The following PLK3 variants were observed in gnomAD, a reference collection of about 807,000 sequenced individuals.
PLK3 encodes polo like kinase 3, also known as serine/threonine-protein kinase PLK3.
Under a neutral mutation model 71.6 loss-of-function variants are expected in PLK3, and 41 were observed. The observed-to-expected ratio is 0.57, with a 90% CI of 0.45 to 0.74. The LOEUF (loss-of-function observed/expected upper bound fraction) is 0.74, where lower values mean the gene tolerates loss of function less well. Among genes scored for constraint, PLK3 ranks in the 30% least tolerant of loss-of-function variants. The pLI is 0.00. For missense variants in PLK3, 791 were observed against 875.6 expected, an observed-to-expected ratio of 0.90 and a Z score of 1.22; for synonymous variants, 366 against 355.4, an observed-to-expected ratio of 1.03 and a Z score of -0.33.
In PLK3 at chr1:44,805,567, T is replaced by C; in HGVS notation, c.1830T>C (p.Arg610=). ...PLLVTFVARN[R]SACTYLASHL... is the part of the protein sequence containing the mutation. ...TTGTGACTTTTGTGGCCCGAAATCG[T>C]AGTGCTTGTACTTACCTCGCTTCCC... Residue 610 remains arginine, a synonymous_variant, in exon 15 of 15, where the codon CGT becomes CGC. Coordinates refer to ENST00000372201, the MANE Select transcript of PLK3 (RefSeq NM_004073.4). 1 of 1,614,170 alleles carries C rather than the reference T, an allele frequency of 6.2e-7. No individual in the cohort carries two copies. Among genetic ancestry groups the C allele is most frequent in the Non-Finnish European group, 8.5e-7 (1 of 1,179,994 alleles).
At chr1:44,802,208 T>G (rs147137838) in intron 5 of PLK3, among the ~76,000 whole-genome samples, 1 of 152,152 alleles carries the variant, frequency 6.6e-6, no homozygotes, top group African/African-American at 2.4e-5. Context: ...TGGAGGCACA[T>G]GACTTACCCT....
Position 44,800,917 on chromosome 1 carries a change from C to T in PLK3, c.288C>T (p.Ser96=). 1 of 1,612,662 alleles carries T rather than the reference C, an allele frequency of 6.2e-7. No individual in the cohort carries two copies. Among genetic ancestry groups the T allele is most frequent in the Non-Finnish European group, 8.5e-7 (1 of 1,179,904 alleles). The change falls in exon 2 of 15, where the codon AGC becomes AGT. Residue 96 remains serine (S), a synonymous_variant. Transcript: ENST00000372201. The surrounding 1 kb of genome is among the most constrained non-coding windows in gnomAD (Gnocchi z 6.5). The stretch of plus-strand genomic sequence containing the variant: ...ACGCTGTCAAAGTCATCCCGCAGAG[C>T]CGCGTCGCCAAGCCGCATCAGCGCG... ...SAYAVKVIPQ[S]RVAKPHQREK...
rs905361545 is a variant in PLK3, at chr1:44,805,650, G to C, written c.1913G>C (p.Arg638Pro). ...DLRQRLRYALRLLRDRSPA is the reference protein window; with the variant it reads ...DLRQRLRYALPLLRDRSPA ...CGGCAGCGACTCCGCTATGCTCTGCGCCTGCTCCGGGACCGCAGCCCAGCC... is the reference window on the plus strand; with the variant it reads ...CGGCAGCGACTCCGCTATGCTCTGCCCCTGCTCCGGGACCGCAGCCCAGCC... Residue 638 changes from arginine to proline, a missense_variant, in exon 15 of 15, where the codon CGC becomes CCC. Transcript: ENST00000372201. 6.2e-7 allele frequency: 1 copy of C among 1,613,300 alleles called. No homozygotes were observed. Among genetic ancestry groups the C allele is most frequent in the Non-Finnish European group, 8.5e-7 (1 of 1,179,992 alleles).
chr1:44,804,582 G>C, intron 12 of PLK3, 68 bp from the exon 13 acceptor site: 1 of 1,604,132 alleles, frequency 6.2e-7, no homozygotes, highest in Non-Finnish European at 8.5e-7. Context: ...CTGGGCTCAG[G>C]GGTCTGGGTT....
Position 44,803,081 on chromosome 1 carries a change from C to T in PLK3, c.876C>T (p.Ala292=), listed in dbSNP as rs141393412. The change falls in exon 7 of 15, where the codon GCC becomes GCT. Residue 292 remains alanine (A), a synonymous_variant. Transcript: ENST00000372201. This position sits in a 1 kb window ranked among gnomAD's most constrained non-coding sequence, Gnocchi z 4.3. ...SLSLPARQLL[A]AILRASPRDR... ...CACTGCCTGCCCGGCAGCTCCTGGC[C>T]GCCATCCTTCGGGCCTCACCCCGAG... 6.4e-5 allele frequency: 104 copies of T among 1,613,950 alleles called. No homozygotes were observed. Among genetic ancestry groups the T allele is most frequent in the African/African-American group, 2.0e-4 (15 of 75,030 alleles).
rs200234281 is a variant in PLK3 at position 44,804,446 on chromosome 1, C to T, written c.1450C>T (p.Arg484Cys). 7.2e-5 allele frequency: 117 copies of T among 1,614,066 alleles called. No homozygotes were observed. The highest frequency in any genetic ancestry group is 1.6e-4 in the Middle Eastern group (1 of 6,084). The change falls in exon 12 of 15, where the codon CGT becomes TGT. Residue 484 changes from arginine (R) to cysteine (C), a missense_variant. Transcript: ENST00000372201. The stretch of plus-strand genomic sequence containing the variant: ...CTTTGGGTATCAACTGTCCAGCCGC[C>T]GTGTGGCTGTGCTCTTCAACGATGG... ...FGFGYQLSSR[R>C]VAVLFNDGTH...
intron 13 of PLK3, chr1:44,805,051 C>T: frequency 1.7e-6 from 1 of 582,296 alleles, no homozygotes; most frequent in Non-Finnish European, 3.1e-6. Flanking sequence ...TTGCAGTGAG[C>T]AGAGATGGCG....
Position 44,805,831 on chromosome 1 carries a change from C to T in PLK3, c.*153C>T, listed in dbSNP as rs1936862914. The T allele has an allele frequency of 5.2e-6, 7 of 1,339,482 alleles. No homozygotes were observed. Among genetic ancestry groups the T allele is most frequent in the South Asian group, 1.5e-5 (1 of 66,592 alleles). The allele number at this position is 1,339,482 out of a possible 1,614,324, so 83.0% of individuals were successfully genotyped here. Reference sequence around the variant, plus strand: ...TTTACTGGAGTTGGGGGCGGCTTGTCTTCGCTGGCTCCTACCCCATCTCCA... The same window carrying T: ...TTTACTGGAGTTGGGGGCGGCTTGTTTTCGCTGGCTCCTACCCCATCTCCA... On this transcript the variant is annotated 3_prime_UTR_variant, in exon 15 of 15. Coordinates refer to ENST00000372201, the MANE Select transcript of PLK3 (RefSeq NM_004073.4).
In PLK3 at chr1:44,803,755, G is replaced by A. The variant is rs966616486; in HGVS notation, c.1164+64G>A. On this transcript the variant is annotated intron_variant, in intron 9 of 14. Coordinates refer to ENST00000372201, the MANE Select transcript of PLK3 (RefSeq NM_004073.4). This position sits in a 1 kb window ranked among gnomAD's most constrained non-coding sequence, Gnocchi z 4.3. ...CCCACCCTAGCAGCTGAGGGAAGCC[G>A]GGGATAAAAGAGGCTGCTGAAGCAT... is the stretch of plus-strand genomic sequence containing the variant. The A allele has an allele frequency of 2.0e-5, 26 of 1,329,628 alleles. 1 individual carries two copies. In the East Asian group the frequency reaches 2.2e-4, roughly 11 times the overall value. 82.4% of individuals were successfully genotyped at this position (1,329,628 alleles called of 1,614,324 possible).
At chr1:44,802,080 TG>T (rs1651852690) in intron 5 of PLK3, 148 bp downstream of exon 5, 1 of 671,852 alleles carries the variant, frequency 1.5e-6, no homozygotes, top group African/African-American at 1.8e-5. Context: ...TGTGTGAAGG[TG>T]GAGGTGGCAG....
Position 44,803,616 on chromosome 1 carries a change from GGA to G in PLK3, c.1093_1094del (p.Arg365GlyfsTer2). 1 of 1,614,018 alleles carries G rather than the reference GGA, an allele frequency of 6.2e-7. No homozygotes were observed. The highest frequency in any genetic ancestry group is 8.5e-7 in the Non-Finnish European group (1 of 1,179,880). On this transcript the variant is annotated frameshift_variant, in exon 9 of 15. Transcript: ENST00000372201. LOFTEE classifies it high-confidence loss of function. This position sits in a 1 kb window ranked among gnomAD's most constrained non-coding sequence, Gnocchi z 4.3. ...CACCCCCAGGTAAGAATCATGCCCA[GGA>G]GAGGGATGAGGTCTCCGGTTTGGTG... ...RKKKSKNHAQERDEVSGLVSG... is the reference protein window; with the variant it reads ...RKKKSKNHAQXRDEVSGLVSG...
chr1:44,802,055 T>A, intron 5 of PLK3, 123 bp downstream of exon 5: 2 of 716,256 alleles, frequency 2.8e-6, no homozygotes, highest in Non-Finnish European at 4.8e-6. Context: ...GAAGGGATGA[T>A]GGGCTGTTCA....
intron 5 of PLK3, among the ~76,000 whole-genome samples, chr1:44,802,236 G>A (rs1036050253): frequency 6.6e-6 from 1 of 152,160 alleles, no homozygotes. Context: ...GATGGGGGAA[G>A]GTGACAGGCA....
At position 44,804,796 on chromosome 1, in the gene PLK3, T is replaced by C. The variant is rs1297687290; in HGVS notation, c.1635+17T>C. ...CTCATGAAGGTGTGAGGGCTGGGGCTGTGGTACATTGAAACCTAACCCATC... is the reference window on the plus strand; with the variant it reads ...CTCATGAAGGTGTGAGGGCTGGGGCCGTGGTACATTGAAACCTAACCCATC... On this transcript the variant is annotated intron_variant, in intron 13 of 14. Coordinates refer to ENST00000372201, the MANE Select transcript of PLK3 (RefSeq NM_004073.4). The C allele has an allele frequency of 6.2e-7, 1 of 1,612,440 alleles. No homozygotes were observed. Among genetic ancestry groups the C allele is most frequent in the Non-Finnish European group, 8.5e-7 (1 of 1,178,934 alleles).
At chr1:44,802,148 T>C (rs1438279928) in intron 5 of PLK3, among the ~76,000 whole-genome samples, 1 of 151,964 alleles carries the variant, frequency 6.6e-6, no homozygotes, top group Non-Finnish European at 1.5e-5. Context: ...ATGACACAGA[T>C]AGGGTAGGTG....
chr1:44,801,164 T>A lies in PLK3; in HGVS notation c.435+12T>A. 2.1e-6 allele frequency: 3 copies of A among 1,425,320 alleles called. No homozygotes were observed. Among genetic ancestry groups the A allele is most frequent in the Non-Finnish European group, 3.0e-6 (3 of 1,009,464 alleles). The allele number at this position is 1,425,320 out of a possible 1,614,324, so 88.3% of individuals were successfully genotyped here. On this transcript the variant is annotated intron_variant, in intron 3 of 14. Coordinates refer to ENST00000372201, the MANE Select transcript of PLK3 (RefSeq NM_004073.4). Reference sequence around the variant, plus strand: ...TCTGCAGCCGAAAGGTGAAAGATGGTGATTCCCGCAGGGATGAGAGTGAGG... The same window carrying A: ...TCTGCAGCCGAAAGGTGAAAGATGGAGATTCCCGCAGGGATGAGAGTGAGG...
rs1387734107 is a variant in PLK3, at chr1:44,805,906, A to C, written c.*228A>C. ...AGCTAGGGGGCGTTATTTATGGACC[A>C]CTTTTATTTATTGTCAGACACTTAT... On this transcript the variant is annotated 3_prime_UTR_variant, in exon 15 of 15. Coordinates refer to ENST00000372201, the MANE Select transcript of PLK3 (RefSeq NM_004073.4). The C allele has an allele frequency of 4.8e-6, 7 of 1,460,630 alleles. No homozygotes were observed. Among genetic ancestry groups the C allele is most frequent in the Non-Finnish European group, 6.3e-6 (7 of 1,102,396 alleles). 90.5% of individuals were successfully genotyped at this position (1,460,630 alleles called of 1,614,324 possible). A position where few individuals can be genotyped will look rare whatever the true frequency, so the allele number is the denominator to read the frequency against.
chr1:44,803,021 C>G lies in PLK3; in HGVS notation c.816C>G (p.Ile272Met). The G allele has an allele frequency of 6.2e-7, 1 of 1,614,046 alleles. No homozygotes were observed. Among genetic ancestry groups the G allele is most frequent in the Non-Finnish European group, 8.5e-7 (1 of 1,179,990 alleles). ...ACCTGAAGGAGACGTACCGCTGCAT[C>G]AAGCAGGTTCACTACACGCTGCCTG... ...TADLKETYRC[I>M]KQVHYTLPAS... Residue 272 changes from isoleucine (I) to methionine (M), a missense_variant, in exon 7 of 15, where the codon ATC (isoleucine) becomes ATG (methionine). Physicochemically the swap from Ile to Met is conservative, Grantham distance 10. Coordinates refer to ENST00000372201, the MANE Select transcript of PLK3 (RefSeq NM_004073.4). The surrounding 1 kb of genome is among the most constrained non-coding windows in gnomAD (Gnocchi z 4.3).
At chr1:44,804,313 G>A in intron 11 of PLK3, 26 bp from the exon 12 acceptor site, 1 of 1,613,862 alleles carries the variant, frequency 6.2e-7, no homozygotes. Flanking sequence ...AGGAGCAGGT[G>A]CTGACTCCCT....
Sources: gnomAD v4.1 joint callset for allele counts (sites outside exome capture counted in the v4.1 genomes callset) on GRCh38, gnomAD v4.1.1 for gene constraint, Gnocchi (gnomAD v3.1) non-coding constraint, MANE v1.5 for transcripts, NCBI Gene and HGNC (gene_info 2026-07-23, HGNC 2026-07-21) for gene names.